Variants in PFKFB4 observed in about 807,000 individuals in gnomAD.
PFKFB4 encodes 6-phosphofructo-2-kinase/fructose-2,6-bisphosphatase 4.
Under a neutral mutation model 62.8 loss-of-function variants are expected in PFKFB4, and 42 were observed. That is an observed-to-expected ratio of 0.67 (90% confidence interval 0.52 to 0.86). PFKFB4 has a LOEUF of 0.86. PFKFB4 is among the 40% of genes least tolerant of loss of function. PFKFB4 has a pLI of 0.00. For synonymous variants in PFKFB4, 204 were observed against 240.7 expected, an observed-to-expected ratio of 0.85 and a Z score of 1.41; for missense variants, 475 against 627.2, an observed-to-expected ratio of 0.76 and a Z score of 2.59.
upstream of PFKFB4, chr3:48,562,378 G>A (rs994256827): frequency 4.9e-6 from 1 of 202,896 alleles, no homozygotes; most frequent in Non-Finnish European, 1.0e-5. This position sits in a 1 kb window ranked among gnomAD's most constrained non-coding sequence, Gnocchi z 4.3. Context: ...AAAGTAACAT[G>A]ATGATGACTG....
chr3:48,525,681 CCA>C lies in PFKFB4; in HGVS notation c.988-14_988-13del. ...TCCTCACAGACGCCCTAGGGAGATACCACAGTCATCACACCTCCTACAGGCCC... is the reference window on the plus strand; with the variant it reads ...TCCTCACAGACGCCCTAGGGAGATACCAGTCATCACACCTCCTACAGGCCC... On this transcript the variant is annotated splice_polypyrimidine_tract_variant and intron_variant, in intron 9 of 13. Coordinates refer to ENST00000232375, the MANE Select transcript of PFKFB4 (RefSeq NM_004567.4). The C allele has an allele frequency of 1.3e-6, 2 of 1,494,278 alleles. No homozygotes were observed. Among genetic ancestry groups the C allele is most frequent in the Non-Finnish European group, 1.8e-6 (2 of 1,081,658 alleles). 92.6% of individuals were successfully genotyped at this position (1,494,278 alleles called of 1,614,324 possible).
At chr3:48,523,897 C>T in intron 10 of PFKFB4, 67 bp from the exon 11 acceptor site, 1 of 1,512,232 alleles carries the variant, frequency 6.6e-7, no homozygotes, top group South Asian at 1.2e-5. Flanking sequence ...ACATCCTGGA[C>T]ACTGGGCCAC....
At chr3:48,538,684 A>G in intron 6 of PFKFB4, 65 bp from the exon 7 acceptor site, 1 of 1,606,600 alleles carries the variant, frequency 6.2e-7, no homozygotes. Flanking sequence ...CCAGAGACCA[A>G]GGAGACTGCT....
Position 48,556,317 on chromosome 3 carries a change from G to A in PFKFB4, c.97+364C>T. On this transcript the variant is annotated intron_variant, in intron 1 of 13. Transcript: ENST00000232375. This position sits in a 1 kb window ranked among gnomAD's most constrained non-coding sequence, Gnocchi z 5.7. ...CAACCCGGCCCACACTCCTTGGCCA[G>A]GAGAGAGGGAAGGGCCTGGGGTGCC... 1 of 515,144 alleles carries A rather than the reference G, an allele frequency of 1.9e-6. No homozygotes were observed. Among genetic ancestry groups the A allele is most frequent in the Non-Finnish European group, 3.8e-6 (1 of 265,954 alleles). The allele number at this position is 515,144 out of a possible 1,614,324, so 31.9% of individuals were successfully genotyped here.
Position 48,556,797 on chromosome 3 carries a change from G to A in PFKFB4, c.-20C>T, listed in dbSNP as rs781739240. The A allele has an allele frequency of 2.2e-5, 35 of 1,593,148 alleles. No individual in the cohort carries two copies. Among genetic ancestry groups the A allele is most frequent in the Non-Finnish European group, 2.4e-5 (28 of 1,170,976 alleles). On this transcript the variant is annotated 5_prime_UTR_variant, in exon 1 of 14. Coordinates refer to ENST00000232375, the MANE Select transcript of PFKFB4 (RefSeq NM_004567.4). The surrounding 1 kb of genome is among the most constrained non-coding windows in gnomAD (Gnocchi z 5.7). ...CGCCATCCCGGGGCCGGGATGAGTC[G>A]GACTGCGCCGCTTCCAACCCAGCAG... is the stretch of plus-strand genomic sequence containing the variant.
rs765529403 is a variant in PFKFB4, at chr3:48,521,046, AGGCCTGCAGGGTAACT to A, written c.1350+924_1350+939del. ...CGAACTATCAGAGCAATGGGAAGAG[AGGCCTGCAGGGTAACT>A]GGTCCTGCTTGGGGGCAGTGGTGTT... is the stretch of plus-strand genomic sequence containing the variant. On this transcript the variant is annotated intron_variant, in intron 13 of 13. Transcript: ENST00000232375. The surrounding 1 kb of genome is among the most constrained non-coding windows in gnomAD (Gnocchi z 5.3). 2.6e-5 allele frequency among the ~76,000 whole-genome samples: 4 copies of A among 152,214 alleles called. No individual in the cohort carries two copies. The highest frequency in any genetic ancestry group is 4.4e-5 in the Non-Finnish European group (3 of 68,042).
intron 9 of PFKFB4, among the ~76,000 whole-genome samples, chr3:48,531,156 A>G (rs1245263049): frequency 6.6e-6 from 1 of 152,042 alleles, no homozygotes; most frequent in Non-Finnish European, 1.5e-5. Flanking sequence ...ACTCGAACCC[A>G]GGAGTTCAAG....
At chr3:48,539,995 G>A (rs1374752032) in intron 4 of PFKFB4, among the ~76,000 whole-genome samples, 1 of 152,226 alleles carries the variant, frequency 6.6e-6, no homozygotes, top group Non-Finnish European at 1.5e-5. Context: ...AAGGAAGTTA[G>A]AAGGAGAGGA....
intron 9 of PFKFB4, 69 bp downstream of exon 9, chr3:48,535,442 GT>G (rs1431266859): frequency 8.2e-5 from 112 of 1,357,958 alleles, no homozygotes; most frequent in Non-Finnish European, 1.1e-4. Flanking sequence ...AATGGTCACT[GT>G]TGTTACAATA....
intron 8 of PFKFB4, 138 bp from the exon 9 acceptor site, chr3:48,535,796 C>T (rs898100993): frequency 1.7e-5 from 16 of 966,404 alleles, no homozygotes; most frequent in East Asian, 5.1e-5. Flanking sequence ...ACTAACTTGT[C>T]GATGACACAC....
intron 1 of PFKFB4, among the ~76,000 whole-genome samples, 174 bp from the exon 2 acceptor site, chr3:48,550,408 C>T (rs146188646): frequency 3.2e-3 from 495 of 152,320 alleles, no homozygotes; most frequent in African/African-American, 0.012. Flanking sequence ...TGGTTTCAAG[C>T]CACCGTTGGC....
At chr3:48,562,663 C>T (rs2043450265), upstream of PFKFB4, 1 of 954,312 alleles carries the variant, frequency 1.0e-6, no homozygotes, top group African/African-American at 1.6e-5. The surrounding 1 kb of genome is among the most constrained non-coding windows in gnomAD (Gnocchi z 4.3). Context: ...ACACTGTATG[C>T]CCAGATGTGG....
chr3:48,563,039 T>C, upstream of PFKFB4: 2 of 1,611,476 alleles, frequency 1.2e-6, no homozygotes, highest in Non-Finnish European at 1.7e-6. The surrounding 1 kb of genome is among the most constrained non-coding windows in gnomAD (Gnocchi z 4.5). Flanking sequence ...AGGGCGGAGC[T>C]GGAAGGTTGG....
intron 4 of PFKFB4, 111 bp from the exon 5 acceptor site, chr3:48,539,882 T>C: frequency 1.2e-6 from 1 of 844,360 alleles, no homozygotes; most frequent in Non-Finnish European, 2.0e-6. Context: ...GGGGACTGGA[T>C]TTCTCATAAG....
intron 3 of PFKFB4, chr3:48,548,762 C>T (rs62261468): frequency 0.045 from 6,792 of 152,248 alleles, 210 homozygotes; most frequent in Non-Finnish European, 0.069. Flanking sequence ...CCAGAGGGTC[C>T]AGCCTTGATT....
chr3:48,545,975 C>T (rs924331594), intron 3 of PFKFB4, among the ~76,000 whole-genome samples: 5 of 152,060 alleles, frequency 3.3e-5, no homozygotes, highest in African/African-American at 1.2e-4. Flanking sequence ...CTCAGGGCCC[C>T]GGTGGAGATG....
upstream of PFKFB4, among the ~76,000 whole-genome samples, chr3:48,557,888 G>A (rs2043369041): frequency 6.6e-6 from 1 of 152,152 alleles, no homozygotes; most frequent in Non-Finnish European, 1.5e-5. Context: ...AGCCCTGGGA[G>A]TATCTTAATC....
intron 9 of PFKFB4, among the ~76,000 whole-genome samples, chr3:48,533,484 C>T (rs2042492633): frequency 6.6e-6 from 1 of 152,074 alleles, no homozygotes; most frequent in African/African-American, 2.4e-5. Context: ...GGGAACCACC[C>T]ATAATAAAGA....
At chr3:48,534,667 T>C (rs1468048272) in intron 9 of PFKFB4, among the ~76,000 whole-genome samples, 1 of 144,640 alleles carries the variant, frequency 6.9e-6, no homozygotes, top group African/African-American at 2.6e-5. Context: ...TAAGATCTTG[T>C]CTTGAAAAAA....
Sources: allele counts gnomAD v4.1 joint callset (sites outside exome capture counted in the v4.1 genomes callset), GRCh38; gene constraint gnomAD v4.1.1; non-coding constraint Gnocchi (gnomAD v3.1); transcripts MANE v1.5; gene names NCBI Gene and HGNC (gene_info 2026-07-23, HGNC 2026-07-21).